Variants in HCN1 observed in about 807,000 individuals in gnomAD.
The protein encoded by HCN1 is potassium/sodium hyperpolarization-activated cyclic nucleotide-gated channel 1.
A neutral mutation model predicts 78.9 loss-of-function variants in HCN1; 13 were observed. That is an observed-to-expected ratio of 0.16 (90% CI 0.11 to 0.26). The LOEUF is 0.26. Among genes scored for constraint, HCN1 ranks in the 10% least tolerant of loss-of-function variants. The pLI is 1.00. For synonymous variants in HCN1, 552 were observed against 455.5 expected (o/e 1.21, Z -2.70); for missense variants, 810 against 1,154.3 (o/e 0.70, Z 4.32).
At chr5:45,303,571 T>G (rs774854536) in intron 6 of HCN1, 28 bp downstream of exon 6, 1 of 1,611,294 alleles carries the variant, frequency 6.2e-7, no homozygotes. Context: ...AGTTTAGATT[T>G]CATCTTAGTT....
At chr5:45,330,963 T>C (rs952282082) in intron 5 of HCN1, among the ~76,000 whole-genome samples, 1 of 151,288 alleles carries the variant, frequency 6.6e-6, no homozygotes, top group African/African-American at 2.4e-5. Context: ...TGCCTTTGTA[T>C]CTGTCTTACT....
chr5:45,685,265 T>C (rs1580049827), intron 1 of HCN1, among the ~76,000 whole-genome samples: 1 of 152,230 alleles, frequency 6.6e-6, no homozygotes, highest in African/African-American at 2.4e-5. Flanking sequence ...TATGCCATTT[T>C]CTGATGAAAA....
At chr5:45,548,488 C>T (rs374180217) in intron 2 of HCN1, among the ~76,000 whole-genome samples, 1 of 151,996 alleles carries the variant, frequency 6.6e-6, no homozygotes, top group Non-Finnish European at 1.5e-5. Context: ...ACTCACGGGA[C>T]ATATCTCGAA....
chr5:45,303,487 T>C (rs1361332729), intron 6 of HCN1, 112 bp downstream of exon 6: 4 of 1,015,946 alleles, frequency 3.9e-6, no homozygotes, highest in East Asian at 4.8e-5. Context: ...AGAATTCACA[T>C]ACAGGTTTAC....
intron 2 of HCN1, among the ~76,000 whole-genome samples, chr5:45,569,414 T>A (rs1455066697): frequency 2.0e-5 from 3 of 152,164 alleles, no homozygotes; most frequent in African/African-American, 7.2e-5. Flanking sequence ...TTAAAAATTC[T>A]TTTGAGAAAT....
intron 2 of HCN1, among the ~76,000 whole-genome samples, chr5:45,627,711 A>C (rs1321257046): frequency 6.6e-6 from 1 of 152,230 alleles, no homozygotes; most frequent in Non-Finnish European, 1.5e-5. Flanking sequence ...TTCAGGGTAG[A>C]GTCAAGATAA....
intron 2 of HCN1, among the ~76,000 whole-genome samples, chr5:45,540,326 ATTTTT>A (rs34797116): frequency 1.4e-5 from 2 of 143,728 alleles, no homozygotes; most frequent in East Asian, 4.1e-4. Flanking sequence ...TATTTTACTG[ATTTTT>A]TTTTTTTTTT....
At chr5:45,297,786 G>A (rs968165323) in intron 6 of HCN1, among the ~76,000 whole-genome samples, 1 of 151,938 alleles carries the variant, frequency 6.6e-6, no homozygotes. Context: ...GGCATGCAAG[G>A]CTGGTTCAAC....
intron 1 of HCN1, among the ~76,000 whole-genome samples, chr5:45,649,117 C>T (rs1168720053): frequency 2.6e-5 from 4 of 151,964 alleles, no homozygotes; most frequent in Non-Finnish European, 4.4e-5. Flanking sequence ...GATATGATTA[C>T]TTCCATTCCA....
At chr5:45,372,262 T>A (rs1443829993) in intron 4 of HCN1, among the ~76,000 whole-genome samples, 1 of 82,708 alleles carries the variant, frequency 1.2e-5, no homozygotes, top group Non-Finnish European at 2.1e-5. Context: ...TATATATTTA[T>A]ATATATATTT....
intron 2 of HCN1, among the ~76,000 whole-genome samples, chr5:45,588,307 CA>C (rs1208252292): frequency 6.6e-6 from 1 of 152,196 alleles, no homozygotes; most frequent in East Asian, 1.9e-4. Context: ...GGTAGAATCA[CA>C]GTGAGTACTT....
At chr5:45,365,252 T>C (rs1164246268) in intron 4 of HCN1, among the ~76,000 whole-genome samples, 1 of 151,960 alleles carries the variant, frequency 6.6e-6, no homozygotes, top group Non-Finnish European at 1.5e-5. Flanking sequence ...GGGTATTACA[T>C]GCATAATGGT....
rs72763943 is a variant in HCN1 at position 45,626,311 on chromosome 5, C to T, written c.849+18874G>A. On this transcript the variant is annotated intron_variant, in intron 2 of 7. Transcript: ENST00000303230. ...TTAGACCACCTCTTCTGAATATTGACGTGGAAATCACTGAAATACTACGCT... is the reference window on the plus strand; with the variant it reads ...TTAGACCACCTCTTCTGAATATTGATGTGGAAATCACTGAAATACTACGCT... 8.4e-3 allele frequency among the ~76,000 whole-genome samples: 1,283 copies of T among 152,154 alleles called. 10 individuals are homozygous for T. The highest frequency in any genetic ancestry group is 0.026 in the South Asian group (124 of 4,820).
At chr5:45,565,559 G>T (rs1160338751) in intron 2 of HCN1, among the ~76,000 whole-genome samples, 3 of 152,054 alleles carry the variant, frequency 2.0e-5, no homozygotes, top group African/African-American at 2.4e-5. Flanking sequence ...ACGGTGGCTT[G>T]CACCTGTAAT....
At chr5:45,654,076 G>A (rs1745725104) in intron 1 of HCN1, among the ~76,000 whole-genome samples, 1 of 152,124 alleles carries the variant, frequency 6.6e-6, no homozygotes, top group East Asian at 1.9e-4. Flanking sequence ...CAAGAACAAA[G>A]ATATCTTTCA....
At chr5:45,661,159 G>A (rs878982745) in intron 1 of HCN1, among the ~76,000 whole-genome samples, 1 of 145,782 alleles carries the variant, frequency 6.9e-6, no homozygotes, top group African/African-American at 2.6e-5. Flanking sequence ...CTCACTCAAA[G>A]CCGCTCAACT....
At chr5:45,657,718 C>T (rs1745802495) in intron 1 of HCN1, among the ~76,000 whole-genome samples, 1 of 152,050 alleles carries the variant, frequency 6.6e-6, no homozygotes, top group Non-Finnish European at 1.5e-5. Flanking sequence ...GAACTACAAA[C>T]CACTGCTCAA....
At chr5:45,266,054 T>G (rs1401772503) in intron 7 of HCN1, among the ~76,000 whole-genome samples, 2 of 152,040 alleles carry the variant, frequency 1.3e-5, no homozygotes, top group African/African-American at 4.8e-5. Context: ...CAAAGAGGGT[T>G]TAGGTGTGGA....
intron 5 of HCN1, among the ~76,000 whole-genome samples, chr5:45,312,295 C>A (rs1396125613): frequency 2.6e-5 from 4 of 152,148 alleles, no homozygotes; most frequent in Non-Finnish European, 4.4e-5. Context: ...CAGCATAATA[C>A]AAGAATGAAA....
Sources: allele counts gnomAD v4.1 joint callset (sites outside exome capture counted in the v4.1 genomes callset), GRCh38; gene constraint gnomAD v4.1.1; transcripts MANE v1.5; gene names NCBI Gene and HGNC (gene_info 2026-07-23, HGNC 2026-07-21).